BCKDHB: variants seen among roughly 807,000 people sequenced by gnomAD.
The protein encoded by BCKDHB is branched chain keto acid dehydrogenase E1 subunit beta, also known as 2-oxoisovalerate dehydrogenase subunit beta, mitochondrial.
In BCKDHB, 41 loss-of-function variants were observed where a neutral mutation model predicts 48.5. The ratio of observed to expected loss-of-function variants is 0.85; its 90% CI spans 0.66 to 1.10. The LOEUF (loss-of-function observed/expected upper bound fraction) is 1.10. Ranked by LOEUF, BCKDHB falls within the 50% of genes least tolerant of loss-of-function variation. The pLI, the probability that BCKDHB is intolerant of heterozygous loss-of-function variation, is 0.00. For missense variants in BCKDHB, 496 were observed against 494.2 expected, an observed-to-expected ratio of 1.00 and a Z score of -0.03; for synonymous variants, 201 against 174.8, an observed-to-expected ratio of 1.15 and a Z score of -1.18.
At chr6:80,355,845 C>T in the BCKDHB span, 1 of 152,236 alleles carries the variant, frequency 6.6e-6, no homozygotes, top group African/African-American at 2.4e-5. Flanking sequence ...CACCTAAGGG[C>T]TGCTACTGCC....
intron 1 of BCKDHB, among the ~76,000 whole-genome samples, chr6:80,113,312 G>A (rs1769512728): frequency 6.6e-6 from 1 of 152,248 alleles, no homozygotes; most frequent in African/African-American, 2.4e-5. Flanking sequence ...ACACTGGAAA[G>A]TGGCCCTGGC....
chr6:80,277,814 A>G (rs1272026948), intron 9 of BCKDHB, among the ~76,000 whole-genome samples: 1 of 152,050 alleles, frequency 6.6e-6, no homozygotes, highest in Non-Finnish European at 1.5e-5. Flanking sequence ...ACCAACATAT[A>G]TTTTTTAAGA....
At chr6:80,150,619 C>T (rs569317500) in intron 3 of BCKDHB, among the ~76,000 whole-genome samples, 14 of 136,936 alleles carry the variant, frequency 1.0e-4, no homozygotes, top group African/African-American at 3.0e-4. Flanking sequence ...TGCAGTGGTG[C>T]GATCTTGGCT....
At chr6:80,401,906 A>G in the BCKDHB span, among the ~76,000 whole-genome samples, 3 of 151,860 alleles carry the variant, frequency 2.0e-5, no homozygotes, top group Admixed American at 6.6e-5. Flanking sequence ...CAAATGTCAC[A>G]AAAGTCAGGA....
At chr6:80,329,731 T>C (rs932720236) in intron 9 of BCKDHB, among the ~76,000 whole-genome samples, 1 of 152,126 alleles carries the variant, frequency 6.6e-6, no homozygotes, top group African/African-American at 2.4e-5. Context: ...GCAGGAGTGC[T>C]TCTCCTGGGT....
intron 9 of BCKDHB, among the ~76,000 whole-genome samples, chr6:80,324,067 C>T (rs9361600): frequency 0.42 from 63,672 of 152,004 alleles, 15,863 homozygotes; most frequent in Admixed American, 0.6. Flanking sequence ...CCACCGTGCC[C>T]GGCCCAAAAT....
rs1770392492 is a variant in BCKDHB at position 80,127,269 on chromosome 6, AT to A, written c.197-276del. ...CCCTTTCTGACTTTCCATAGGTCTT[AT>A]TGTCTACACGCATTTAGTCACTTGG... On this transcript the variant is annotated intron_variant, in intron 1 of 9. Transcript: ENST00000320393. The A allele has an allele frequency of 1.0e-5, 4 of 389,812 alleles. No homozygotes were observed. The East Asian group carries it at 1.8e-4, about 18-fold the overall frequency. The allele number at this position is 389,812 out of a possible 1,614,324, so 24.1% of individuals were successfully genotyped here.
intron 3 of BCKDHB, among the ~76,000 whole-genome samples, chr6:80,149,168 A>G (rs1417835946): frequency 5.3e-5 from 8 of 152,200 alleles, no homozygotes; most frequent in Admixed American, 1.3e-4. Context: ...AAGGACATGA[A>G]CAGACACTTC....
At chr6:80,391,173 A>G in the BCKDHB span, among the ~76,000 whole-genome samples, 4 of 17,612 alleles carry the variant, frequency 2.3e-4, no homozygotes, top group African/African-American at 2.6e-4. Flanking sequence ...AAATGCATAT[A>G]TATATGTGTG....
chr6:80,423,619 T>C, the BCKDHB span, among the ~76,000 whole-genome samples: 1 of 152,232 alleles, frequency 6.6e-6, no homozygotes, highest in African/African-American at 2.4e-5. Context: ...TCCACATCTC[T>C]TGAATTAGTC....
At chr6:80,348,018 G>A (rs540290076), downstream of BCKDHB, among the ~76,000 whole-genome samples, 2 of 151,664 alleles carry the variant, frequency 1.3e-5, no homozygotes, top group South Asian at 4.2e-4. Flanking sequence ...TAATTTCTGT[G>A]GTTTAATGTG....
At chr6:80,286,951 G>A (rs1313923100) in intron 9 of BCKDHB, among the ~76,000 whole-genome samples, 1 of 152,022 alleles carries the variant, frequency 6.6e-6, no homozygotes, top group Non-Finnish European at 1.5e-5. Context: ...AGTAGAGCTG[G>A]CATCTATATT....
At chr6:80,293,523 G>A (rs2127986266) in intron 9 of BCKDHB, among the ~76,000 whole-genome samples, 1 of 152,256 alleles carries the variant, frequency 6.6e-6, no homozygotes, top group South Asian at 2.1e-4. Context: ...TTGCTCCTAG[G>A]CCTCTAGGCC....
At chr6:80,140,160 C>G (rs1771116858) in intron 3 of BCKDHB, among the ~76,000 whole-genome samples, 2 of 152,202 alleles carry the variant, frequency 1.3e-5, no homozygotes, top group African/African-American at 4.8e-5. Context: ...ATTTTGTATC[C>G]TGAGACTTTG....
At chr6:80,460,675 C>A in the BCKDHB span, among the ~76,000 whole-genome samples, 2 of 152,138 alleles carry the variant, frequency 1.3e-5, no homozygotes, top group African/African-American at 4.8e-5. Flanking sequence ...AGACATGAAG[C>A]ATTTGTTACT....
At chr6:80,428,587 C>T in the BCKDHB span, among the ~76,000 whole-genome samples, 3 of 152,152 alleles carry the variant, frequency 2.0e-5, no homozygotes. Flanking sequence ...AATGGTATCT[C>T]ATTGTGATTT....
chr6:80,240,482 G>A (rs1776335306), intron 8 of BCKDHB, among the ~76,000 whole-genome samples: 1 of 152,122 alleles, frequency 6.6e-6, no homozygotes, highest in Admixed American at 6.6e-5. Context: ...TGTTATTGGT[G>A]TATAGGAATG....
chr6:80,149,677 A>G (rs1386523469), intron 3 of BCKDHB, among the ~76,000 whole-genome samples: 2 of 151,124 alleles, frequency 1.3e-5, no homozygotes, highest in Non-Finnish European at 1.5e-5. Context: ...TGTCCTTTGT[A>G]GGGACATGGA....
At chr6:80,231,229 C>A (rs891501975) in intron 8 of BCKDHB, among the ~76,000 whole-genome samples, 3 of 151,848 alleles carry the variant, frequency 2.0e-5, no homozygotes. Flanking sequence ...AATATAAAAA[C>A]CAAATAGTAA....
Sources: gnomAD v4.1 joint callset for allele counts (sites outside exome capture counted in the v4.1 genomes callset) on GRCh38, gnomAD v4.1.1 for gene constraint, MANE v1.5 for transcripts, NCBI Gene and HGNC (gene_info 2026-07-23, HGNC 2026-07-21) for gene names.